Variants in CDH12 observed in about 807,000 individuals in gnomAD.
The protein encoded by CDH12 is cadherin 12.
A neutral mutation model predicts 74.1 loss-of-function variants in CDH12; 41 were observed. That is an observed-to-expected ratio of 0.55 (90% CI 0.43 to 0.72). CDH12 has a LOEUF of 0.72. Among genes scored for constraint, CDH12 ranks in the 30% least tolerant of loss-of-function variants. The pLI is 0.00. For missense variants in CDH12, 945 were observed against 977.2 expected, an observed-to-expected ratio of 0.97 and a Z score of 0.44; for synonymous variants, 399 against 355.0, an observed-to-expected ratio of 1.12 and a Z score of -1.39.
intron 8 of CDH12, among the ~76,000 whole-genome samples, chr5:21,830,678 T>C (rs1748966142): frequency 6.6e-6 from 1 of 152,130 alleles, no homozygotes. Flanking sequence ...AGAGCTGTGT[T>C]TCCCATCTGT....
At chr5:22,772,381 T>C (rs1312826460) in intron 1 of CDH12, among the ~76,000 whole-genome samples, 1 of 151,948 alleles carries the variant, frequency 6.6e-6, no homozygotes, top group Non-Finnish European at 1.5e-5. Flanking sequence ...AGCTACTTTC[T>C]GAAAAACCAC....
At chr5:22,307,358 T>A (rs1342745020) in intron 3 of CDH12, among the ~76,000 whole-genome samples, 1 of 152,184 alleles carries the variant, frequency 6.6e-6, no homozygotes, top group African/African-American at 2.4e-5. Context: ...TCTTTAAAAT[T>A]GTTTTTACTA....
At chr5:21,917,303 C>T (rs1048384402) in intron 6 of CDH12, among the ~76,000 whole-genome samples, 2 of 152,152 alleles carry the variant, frequency 1.3e-5, no homozygotes, top group Admixed American at 6.5e-5. Context: ...AATGTCTGTG[C>T]CCCATGCCCA....
In CDH12 at chr5:22,097,934, C is replaced by A. The variant is rs191024934; in HGVS notation, c.-186-19072G>T. Among the ~76,000 whole-genome samples, 707 of 152,296 alleles carry A rather than the reference C, an allele frequency of 4.6e-3. 5 individuals carry two copies. The highest frequency in any genetic ancestry group is 0.016 in the African/African-American group (650 of 41,556). ...CTCCCCTTACAATTCCCCCATTTCACCTGTCCTAAAACCAGACAAGGCTTA... is the reference window on the plus strand; with the variant it reads ...CTCCCCTTACAATTCCCCCATTTCAACTGTCCTAAAACCAGACAAGGCTTA... On this transcript the variant is annotated intron_variant, in intron 4 of 14. Transcript: ENST00000382254.
chr5:21,767,738 CTCTT>C (rs753786097), intron 11 of CDH12, among the ~76,000 whole-genome samples: 24 of 151,572 alleles, frequency 1.6e-4, no homozygotes, highest in Non-Finnish European at 3.1e-4. Context: ...ATATTACTCT[CTCTT>C]CTATCATGTA....
intron 1 of CDH12, among the ~76,000 whole-genome samples, chr5:22,555,658 A>G (rs1310925129): frequency 1.3e-5 from 2 of 152,048 alleles, no homozygotes; most frequent in Non-Finnish European, 2.9e-5. Context: ...GTCATCTTCA[A>G]TCATTGATTT....
intron 2 of CDH12, among the ~76,000 whole-genome samples, chr5:22,473,999 C>T (rs1746069517): frequency 6.6e-6 from 1 of 152,014 alleles, no homozygotes; most frequent in Non-Finnish European, 1.5e-5. Flanking sequence ...AATGATGAAA[C>T]AATAGATGAT....
chr5:22,726,876 T>TA (rs1744190661), intron 1 of CDH12, among the ~76,000 whole-genome samples: 2 of 151,778 alleles, frequency 1.3e-5, no homozygotes, highest in Admixed American at 1.3e-4. Context: ...TATATTCAAA[T>TA]AAAAACCAAA....
chr5:22,299,325 T>C (rs1173039135), intron 3 of CDH12, among the ~76,000 whole-genome samples: 1 of 152,132 alleles, frequency 6.6e-6, no homozygotes, highest in Non-Finnish European at 1.5e-5. Flanking sequence ...GAAAGACCTT[T>C]CCTTTGTCTC....
intron 3 of CDH12, among the ~76,000 whole-genome samples, chr5:22,255,123 A>G (rs1304292818): frequency 6.6e-6 from 1 of 151,910 alleles, no homozygotes; most frequent in Non-Finnish European, 1.5e-5. Context: ...CCCACATATA[A>G]GTGAGAACAT....
At chr5:22,326,327 C>T (rs933817888) in intron 3 of CDH12, among the ~76,000 whole-genome samples, 9 of 152,118 alleles carry the variant, frequency 5.9e-5, no homozygotes, top group South Asian at 4.2e-4. Flanking sequence ...CTCCGCCCCC[C>T]GGGGTTCACG....
At chr5:22,167,039 C>T (rs930288193) in intron 4 of CDH12, among the ~76,000 whole-genome samples, 2 of 152,102 alleles carry the variant, frequency 1.3e-5, no homozygotes, top group African/African-American at 4.8e-5. Flanking sequence ...TGTTTTCCAA[C>T]TGAGCATAAT....
intron 6 of CDH12, among the ~76,000 whole-genome samples, chr5:21,956,573 AG>A (rs1272921005): frequency 6.6e-6 from 1 of 151,928 alleles, no homozygotes; most frequent in East Asian, 1.9e-4. Flanking sequence ...TGCTTGTAAA[AG>A]GTATTTTTAA....
Position 22,115,461 on chromosome 5 carries a change from G to A in CDH12, c.-186-36599C>T, listed in dbSNP as rs556708892. On this transcript the variant is annotated intron_variant, in intron 4 of 14. Coordinates refer to ENST00000382254, the MANE Select transcript of CDH12 (RefSeq NM_004061.5). ...AGCTAAAAAGACATTACAATATATT[G>A]CCATCAACTGCTTCACAGCACCAAG... Among the ~76,000 whole-genome samples, 27 of 152,180 alleles carry A rather than the reference G, an allele frequency of 1.8e-4. 1 individual carries two copies. In the South Asian group the frequency reaches 5.4e-3, roughly 30 times the overall value.
chr5:22,425,991 A>G (rs1303589990), intron 2 of CDH12, among the ~76,000 whole-genome samples: 1 of 151,988 alleles, frequency 6.6e-6, no homozygotes, highest in Non-Finnish European at 1.5e-5. Context: ...AATCGAGACC[A>G]CCCTGGCCAA....
intron 3 of CDH12, among the ~76,000 whole-genome samples, chr5:22,384,744 A>G (rs1243717348): frequency 6.6e-6 from 1 of 152,054 alleles, no homozygotes; most frequent in Non-Finnish European, 1.5e-5. Flanking sequence ...GAGTTCATGC[A>G]ATAGTCTTGA....
At chr5:22,768,541 T>C (rs541628379) in intron 1 of CDH12, among the ~76,000 whole-genome samples, 2 of 152,246 alleles carry the variant, frequency 1.3e-5, no homozygotes, top group Admixed American at 6.5e-5. Context: ...AAGTAAAGTT[T>C]TGTTTTATGA....
At chr5:22,268,045 A>G (rs995094501) in intron 3 of CDH12, among the ~76,000 whole-genome samples, 1 of 152,138 alleles carries the variant, frequency 6.6e-6, no homozygotes, top group African/African-American at 2.4e-5. Context: ...AACAATCTTC[A>G]ATCACTCCTT....
chr5:22,587,662 C>T (rs930980810), intron 1 of CDH12, among the ~76,000 whole-genome samples: 1 of 152,142 alleles, frequency 6.6e-6, no homozygotes, highest in Non-Finnish European at 1.5e-5. Context: ...CTTACCTCTA[C>T]ACATACCTTT....
Sources: allele counts gnomAD v4.1 joint callset (sites outside exome capture counted in the v4.1 genomes callset), GRCh38; gene constraint gnomAD v4.1.1; transcripts MANE v1.5; gene names NCBI Gene and HGNC (gene_info 2026-07-23, HGNC 2026-07-21).